The following DNAH10 variants were observed in gnomAD, a reference collection of about 807,000 sequenced individuals.
DNAH10 encodes dynein axonemal heavy chain 10, also known as axonemal beta dynein heavy chain 10.
A neutral mutation model predicts 506.6 loss-of-function variants in DNAH10; 348 were observed. The observed-to-expected ratio is 0.69, with a 90% CI of 0.63 to 0.75. The LOEUF (loss-of-function observed/expected upper bound fraction) is 0.75, where lower values mean the gene tolerates loss of function less well. Among genes scored for constraint, DNAH10 ranks in the 30% least tolerant of loss-of-function variants. The pLI, the probability that DNAH10 is intolerant of heterozygous loss-of-function variation, is 0.00. For synonymous variants in DNAH10, 2,059 were observed against 2,198.6 expected (o/e 0.94, Z 1.78); for missense variants, 5,179 against 5,787.1 (o/e 0.89, Z 3.41).
intron 24 of DNAH10, among the ~76,000 whole-genome samples, chr12:123,821,031 C>A (rs1298518081): frequency 6.6e-6 from 1 of 152,142 alleles, no homozygotes; most frequent in Non-Finnish European, 1.5e-5. Flanking sequence ...GGGTGCATCA[C>A]CTGCGGTCAG....
At chr12:123,868,724 T>C (rs956874409) in intron 43 of DNAH10, among the ~76,000 whole-genome samples, 4 of 152,262 alleles carry the variant, frequency 2.6e-5, no homozygotes, top group Non-Finnish European at 5.9e-5. Context: ...TGGCTTGGAA[T>C]GTAGATGGCT....
chr12:123,864,465 G>A (rs1164777794), intron 39 of DNAH10, 130 bp from the exon 40 acceptor site: 2 of 1,262,848 alleles, frequency 1.6e-6, no homozygotes, highest in African/African-American at 1.5e-5. Context: ...GCCAACTAGG[G>A]TGCTCTGTCT....
chr12:123,861,161 A>T lies in DNAH10; in HGVS notation c.6899A>T (p.Lys2300Met), dbSNP rs375553626. 13 of 1,613,750 alleles carry T rather than the reference A, an allele frequency of 8.1e-6. No individual in the cohort carries two copies. Among genetic ancestry groups the T allele is most frequent in the Admixed American group, 3.3e-5 (2 of 59,952 alleles). ...GAAATCAACAAGCCAACAGACAAGAAGGAGCGAAAGTGAGTATCTTTGTAG... is the reference window on the plus strand; with the variant it reads ...GAAATCAACAAGCCAACAGACAAGATGGAGCGAAAGTGAGTATCTTTGTAG... The part of the protein sequence containing the change: ...FREINKPTDK[K>M]ERKYILFDGD... Residue 2300 changes from lysine to methionine, a missense_variant, in exon 39 of 79, where the codon AAG becomes ATG. Around this residue, in one of 3 missense-constraint regions of DNAH10, gnomAD observed 4,844 missense variants for 5,430.5 expected, o/e 0.89. Coordinates refer to ENST00000673944, the MANE Select transcript of DNAH10 (RefSeq NM_001372106.1).
chr12:123,933,617 G>A (rs1028930769), intron 77 of DNAH10, 106 bp downstream of exon 77: 19 of 1,349,554 alleles, frequency 1.4e-5, no homozygotes, highest in Non-Finnish European at 1.7e-5. Flanking sequence ...AATGGGCCAG[G>A]CCATGTTTGA....
chr12:123,797,975 G>A lies in DNAH10; in HGVS notation c.2163+1143G>A, dbSNP rs182123785. Among the ~76,000 whole-genome samples the A allele has an allele frequency of 4.3e-4, 66 of 152,340 alleles. No individual in the cohort carries two copies. The East Asian group carries it at 9.6e-3, about 22-fold the overall frequency. On this transcript the variant is annotated intron_variant, in intron 13 of 78. Transcript: ENST00000673944. ...CAATAAAGTATCCCCCAGATAATAC[G>A]TTTTGAACAGGCGTGGCTGTGTCCA...
At chr12:123,859,487 G>C (rs952543494) in intron 38 of DNAH10, among the ~76,000 whole-genome samples, 10 of 152,286 alleles carry the variant, frequency 6.6e-5, no homozygotes, top group African/African-American at 2.2e-4. Flanking sequence ...GCATCAGATG[G>C]TGAATAGGTT....
intron 53 of DNAH10, among the ~76,000 whole-genome samples, chr12:123,894,241 C>T (rs1244296562): frequency 1.3e-5 from 2 of 151,842 alleles, no homozygotes; most frequent in Non-Finnish European, 2.9e-5. Context: ...TAGGCGCACA[C>T]CACCACGCTG....
At chr12:123,934,960 G>C (rs997803353) in intron 78 of DNAH10, 194 bp downstream of exon 78, 1 of 704,168 alleles carries the variant, frequency 1.4e-6, no homozygotes, top group Non-Finnish European at 2.3e-6. Context: ...GTATGTGTGT[G>C]TGGATGCCGG....
rs1051400180 is a variant in DNAH10, at chr12:123,876,897, C to T, written c.8200-839C>T. 3.9e-5 allele frequency among the ~76,000 whole-genome samples: 6 copies of T among 152,130 alleles called. No homozygotes were observed. The East Asian group carries it at 1.2e-3, about 29-fold the overall frequency. ...ATCACTTGAGCCCAAGAGGTCGAGG[C>T]TGCAGTAAGCCCTGATCATGCCCCT... On this transcript the variant is annotated intron_variant, in intron 47 of 78. Transcript: ENST00000673944.
At chr12:123,866,927 T>C (rs1951835394) in intron 41 of DNAH10, among the ~76,000 whole-genome samples, 1 of 152,218 alleles carries the variant, frequency 6.6e-6, no homozygotes, top group Non-Finnish European at 1.5e-5. Context: ...ACAGGTGTTC[T>C]GGGTGTGTCT....
chr12:123,914,344 G>C lies in DNAH10; in HGVS notation c.10368G>C (p.Leu3456=). The C allele has an allele frequency of 6.2e-7, 1 of 1,612,948 alleles. No homozygotes were observed. The highest frequency in any genetic ancestry group is 8.5e-7 in the Non-Finnish European group (1 of 1,179,778). ...GSENIRWLND[L]DELMHRRVKL... ...CCCGTGCCAGGTGGCTGAACGACCT[G>C]GATGAGCTGATGCACCGGCGCGTGA... The change falls in exon 61 of 79, where the codon CTG becomes CTC. Residue 3456 remains leucine, a synonymous_variant. Transcript: ENST00000673944.
intron 57 of DNAH10, among the ~76,000 whole-genome samples, chr12:123,904,139 A>T (rs1005122565): frequency 6.6e-6 from 1 of 152,194 alleles, no homozygotes; most frequent in Non-Finnish European, 1.5e-5. Context: ...TCACTCCAGG[A>T]CAGAATGACC....
intron 28 of DNAH10, among the ~76,000 whole-genome samples, chr12:123,836,399 G>A (rs917552318): frequency 4.6e-5 from 7 of 152,178 alleles, no homozygotes; most frequent in African/African-American, 1.7e-4. Context: ...TAATGTACAG[G>A]TTCTTGCCTA....
intron 12 of DNAH10, among the ~76,000 whole-genome samples, chr12:123,795,114 C>G (rs1049419310): frequency 1.4e-5 from 2 of 141,554 alleles, no homozygotes; most frequent in African/African-American, 2.7e-5. Flanking sequence ...CGCGATTGCA[C>G]TCCAGCCTGG....
chr12:123,814,091 T>G (rs1213558814), intron 21 of DNAH10, 179 bp downstream of exon 21: 1 of 583,244 alleles, frequency 1.7e-6, no homozygotes, highest in East Asian at 3.1e-5. Context: ...ATATAGAGTA[T>G]TTTTCAATCT....
chr12:123,816,614 T>A (rs1459107353), intron 21 of DNAH10, among the ~76,000 whole-genome samples: 1 of 152,198 alleles, frequency 6.6e-6, no homozygotes, highest in Non-Finnish European at 1.5e-5. Flanking sequence ...GGAAGTAAAG[T>A]GTCCTTCTGA....
chr12:123,833,395 G>C, intron 27 of DNAH10, 48 bp downstream of exon 27: 10 of 1,419,798 alleles, frequency 7.0e-6, no homozygotes, highest in Non-Finnish European at 9.8e-6. Context: ...GTGCATAGCA[G>C]TGGCTTTTAT....
intron 5 of DNAH10, among the ~76,000 whole-genome samples, chr12:123,778,766 C>T (rs548766806): frequency 6.6e-6 from 1 of 152,236 alleles, no homozygotes; most frequent in South Asian, 2.1e-4. Flanking sequence ...AGACACAGTT[C>T]TTACTCTATT....
intron 65 of DNAH10, among the ~76,000 whole-genome samples, chr12:123,921,690 A>ATTTTTTTTTTTTTTT (rs1566107321): frequency 1.0e-5 from 1 of 98,234 alleles, no homozygotes; most frequent in African/African-American, 4.0e-5. Flanking sequence ...TGTAGCTTGC[A>ATTTTTTTTTTTTTTT]GTTTTTTTTT....
Sources: allele counts gnomAD v4.1 joint callset (sites outside exome capture counted in the v4.1 genomes callset), GRCh38; gene constraint gnomAD v4.1.1; regional missense constraint gnomAD v4.1.1; transcripts MANE v1.5; gene names NCBI Gene and HGNC (gene_info 2026-07-23, HGNC 2026-07-21).